Variants in PDGFC observed in about 807,000 individuals in gnomAD.
PDGFC encodes platelet-derived growth factor C.
A neutral mutation model predicts 35.5 loss-of-function variants in PDGFC; 12 were observed. That is an observed-to-expected ratio of 0.34 (90% CI 0.22 to 0.55). The LOEUF (loss-of-function observed/expected upper bound fraction) is 0.55. Among genes scored for constraint, PDGFC ranks in the 20% least tolerant of loss-of-function variants. The pLI, the probability that PDGFC is intolerant of heterozygous loss-of-function variation, is 0.91. For synonymous variants in PDGFC, 159 were observed against 148.8 expected (o/e 1.07, Z -0.50); for missense variants, 322 against 412.4 (o/e 0.78, Z 1.90).
chr4:156,789,497 T>C (rs903796644), intron 3 of PDGFC, among the ~76,000 whole-genome samples: 31 of 152,310 alleles, frequency 2.0e-4, no homozygotes, highest in African/African-American at 7.0e-4. Flanking sequence ...CAGAAGTCTA[T>C]GAACTTTTCT....
At chr4:156,820,252 C>A (rs1483628144) in intron 2 of PDGFC, among the ~76,000 whole-genome samples, 2 of 152,104 alleles carry the variant, frequency 1.3e-5, no homozygotes, top group African/African-American at 4.8e-5. Context: ...GAGAACTGAC[C>A]TACAATTGCA....
intron 1 of PDGFC, among the ~76,000 whole-genome samples, chr4:156,908,115 G>A (rs973502347): frequency 4.6e-5 from 7 of 152,076 alleles, no homozygotes; most frequent in African/African-American, 1.4e-4. Context: ...GCAGTGAGCC[G>A]AGATCGTGCC....
intron 1 of PDGFC, among the ~76,000 whole-genome samples, chr4:156,910,972 A>T (rs947201304): frequency 1.2e-4 from 18 of 152,100 alleles, no homozygotes; most frequent in African/African-American, 4.1e-4. Flanking sequence ...GTTTGTAAAT[A>T]TTTTTTTCTA....
intron 1 of PDGFC, among the ~76,000 whole-genome samples, chr4:156,862,599 C>A (rs1456204657): frequency 6.6e-6 from 1 of 152,170 alleles, no homozygotes; most frequent in Non-Finnish European, 1.5e-5. Context: ...ATGGACATTA[C>A]ACAAATAATC....
At chr4:156,951,815 A>G (rs549412071) in intron 1 of PDGFC, among the ~76,000 whole-genome samples, 1 of 151,780 alleles carries the variant, frequency 6.6e-6, no homozygotes, top group East Asian at 1.9e-4. Flanking sequence ...TCCTAAACTC[A>G]CAGATACAAT....
At chr4:156,939,557 T>C (rs1256209605) in intron 1 of PDGFC, among the ~76,000 whole-genome samples, 2 of 152,214 alleles carry the variant, frequency 1.3e-5, no homozygotes, top group East Asian at 3.9e-4. Flanking sequence ...TAAATGACAA[T>C]GTGGAATTCA....
At chr4:156,830,045 T>C (rs1287933807) in intron 2 of PDGFC, among the ~76,000 whole-genome samples, 1 of 152,162 alleles carries the variant, frequency 6.6e-6, no homozygotes, top group Non-Finnish European at 1.5e-5. Flanking sequence ...GCTGTGTTAA[T>C]TGTTACACAT....
At chr4:156,898,914 C>T (rs1293799429) in intron 1 of PDGFC, among the ~76,000 whole-genome samples, 1 of 152,230 alleles carries the variant, frequency 6.6e-6, no homozygotes, top group Non-Finnish European at 1.5e-5. Context: ...GCCTTGGTCT[C>T]CCAGTGTGCT....
chr4:156,942,071 A>C (rs765932969), intron 1 of PDGFC, among the ~76,000 whole-genome samples: 2 of 151,944 alleles, frequency 1.3e-5, no homozygotes, highest in Non-Finnish European at 2.9e-5. Context: ...TCAAAAATAC[A>C]CTCTTGAGCA....
At chr4:156,895,214 C>CT (rs1337781436) in intron 1 of PDGFC, among the ~76,000 whole-genome samples, 2 of 152,158 alleles carry the variant, frequency 1.3e-5, no homozygotes, top group Non-Finnish European at 2.9e-5. Flanking sequence ...TCAGCATGGA[C>CT]TGTTCACTTA....
chr4:156,825,359 G>A (rs1435813361), intron 2 of PDGFC, among the ~76,000 whole-genome samples: 2 of 148,750 alleles, frequency 1.3e-5, no homozygotes, highest in Non-Finnish European at 3.0e-5. Flanking sequence ...GAATAGCCTG[G>A]GAAAGATGGT....
intron 1 of PDGFC, among the ~76,000 whole-genome samples, chr4:156,957,140 C>T (rs1253338175): frequency 6.6e-6 from 1 of 151,996 alleles, no homozygotes; most frequent in African/African-American, 2.4e-5. Flanking sequence ...AGTTATTTCA[C>T]CTGTGTTCCA....
intron 1 of PDGFC, among the ~76,000 whole-genome samples, chr4:156,869,340 G>A (rs1412566761): frequency 6.6e-6 from 1 of 151,912 alleles, no homozygotes; most frequent in Non-Finnish European, 1.5e-5. Flanking sequence ...GGAGGCTGAG[G>A]CAGGAGAATG....
chr4:156,951,769 A>G (rs1280931493), intron 1 of PDGFC, among the ~76,000 whole-genome samples: 1 of 151,362 alleles, frequency 6.6e-6, no homozygotes, highest in East Asian at 2.0e-4. Flanking sequence ...GTTTTCTTTG[A>G]AAGACTTCAT....
intron 1 of PDGFC, among the ~76,000 whole-genome samples, chr4:156,948,851 C>G (rs1732010019): frequency 6.6e-6 from 1 of 151,926 alleles, no homozygotes. Context: ...AGAGTGTGAG[C>G]ATTTCTCTGT....
At chr4:156,916,640 C>T (rs555821191) in intron 1 of PDGFC, among the ~76,000 whole-genome samples, 4 of 152,264 alleles carry the variant, frequency 2.6e-5, no homozygotes, top group African/African-American at 4.8e-5. Context: ...CTGAAACCAA[C>T]GAAAGTGGTT....
At chr4:156,849,817 G>T (rs1433690553) in intron 2 of PDGFC, among the ~76,000 whole-genome samples, 1 of 151,966 alleles carries the variant, frequency 6.6e-6, no homozygotes, top group Non-Finnish European at 1.5e-5. Flanking sequence ...TCTTTCAGTA[G>T]CTTATCATTT....
intron 1 of PDGFC, among the ~76,000 whole-genome samples, chr4:156,879,453 C>T (rs1182004873): frequency 6.6e-6 from 1 of 152,090 alleles, no homozygotes; most frequent in African/African-American, 2.4e-5. Context: ...TTACTTGAAT[C>T]CCTCTTTAGT....
rs59147986 is a variant in PDGFC at position 156,871,796 on chromosome 4, ATCATATTTAAG to A, written c.119-21391_119-21381del. On this transcript the variant is annotated intron_variant, in intron 1 of 5. Transcript: ENST00000502773. ...ACTTATAAGTGTTACAGGACAGTGT[ATCATATTTAAG>A]TATTCTTGTAAACAAACATTAGAAT... is the stretch of plus-strand genomic sequence containing the variant. 7.3e-3 allele frequency among the ~76,000 whole-genome samples: 1,112 copies of A among 152,166 alleles called. 11 individuals carry two copies. Among genetic ancestry groups the A allele is most frequent in the African/African-American group, 0.025 (1,044 of 41,510 alleles).
Sources: gnomAD v4.1 joint callset for allele counts (sites outside exome capture counted in the v4.1 genomes callset) on GRCh38, gnomAD v4.1.1 for gene constraint, MANE v1.5 for transcripts, NCBI Gene and HGNC (gene_info 2026-07-23, HGNC 2026-07-21) for gene names.